LRRC37A2: variants seen among roughly 807,000 people sequenced by gnomAD.
The protein encoded by LRRC37A2 is leucine rich repeat containing 37 member A2, also known as leucine-rich repeat-containing protein 37A2.
A neutral mutation model predicts 68.8 loss-of-function variants in LRRC37A2; 9 were observed. The observed-to-expected ratio is 0.13, with a 90% CI of 0.08 to 0.23. LRRC37A2 has a LOEUF of 0.23. Among genes scored for constraint, LRRC37A2 ranks in the 10% least tolerant of loss-of-function variants. The probability of loss-of-function intolerance (pLI) is 1.00; values close to 1 mark genes in which losing one functional copy is unlikely to be tolerated. For synonymous variants in LRRC37A2, 63 were observed against 367.6 expected (o/e 0.17, Z 9.48); for missense variants, 168 against 950.4 (o/e 0.18, Z 10.82).
chr17:46,932,015 A>G, the LRRC37A2 span: 1 of 1,584,906 alleles, frequency 6.3e-7, no homozygotes, highest in Non-Finnish European at 8.7e-7. Flanking sequence ...GCCCCCTCAG[A>G]TTCTGCTGCC....
the LRRC37A2 span, among the ~76,000 whole-genome samples, chr17:46,725,430 C>T: frequency 6.6e-6 from 1 of 152,046 alleles, no homozygotes; most frequent in African/African-American, 2.4e-5. Context: ...AGGGGTTGAC[C>T]TGATTAAATA....
At chr17:46,832,376 C>T in the LRRC37A2 span, among the ~76,000 whole-genome samples, 1 of 137,556 alleles carries the variant, frequency 7.3e-6, no homozygotes, top group African/African-American at 2.8e-5. Flanking sequence ...TGATACACAA[C>T]ACAAGACACA....
At chr17:46,793,565 AC>A in the LRRC37A2 span, among the ~76,000 whole-genome samples, 1 of 151,888 alleles carries the variant, frequency 6.6e-6, no homozygotes, top group Non-Finnish European at 1.5e-5. Context: ...AGGAGAGGAG[AC>A]CCCCGACCTG....
At chr17:46,728,417 GA>G in the LRRC37A2 span, among the ~76,000 whole-genome samples, 1 of 151,716 alleles carries the variant, frequency 6.6e-6, no homozygotes, top group South Asian at 2.1e-4. Context: ...AATAATCCCA[GA>G]AAAAACATCT....
the LRRC37A2 span, among the ~76,000 whole-genome samples, chr17:46,795,033 G>A: frequency 5.3e-5 from 8 of 152,052 alleles, no homozygotes; most frequent in African/African-American, 1.9e-4. Flanking sequence ...TTACAGGTGT[G>A]AGCCACCATG....
chr17:46,750,998 T>G, the LRRC37A2 span, among the ~76,000 whole-genome samples: 1 of 152,176 alleles, frequency 6.6e-6, no homozygotes, highest in Non-Finnish European at 1.5e-5. Context: ...CTTGGTGAGC[T>G]CTATTGGAAA....
chr17:46,746,985 G>A, the LRRC37A2 span, among the ~76,000 whole-genome samples: 3 of 152,150 alleles, frequency 2.0e-5, no homozygotes, highest in African/African-American at 7.2e-5. Flanking sequence ...TGCTGGCAAC[G>A]AGGCTTTATA....
At chr17:46,784,033 T>A in the LRRC37A2 span, among the ~76,000 whole-genome samples, 1 of 152,128 alleles carries the variant, frequency 6.6e-6, no homozygotes, top group African/African-American at 2.4e-5. Context: ...CATTGCAACC[T>A]CCCAGGGCTC....
chr17:46,501,182 A>T, the LRRC37A2 span, among the ~76,000 whole-genome samples: 3 of 151,076 alleles, frequency 2.0e-5, no homozygotes, highest in African/African-American at 7.4e-5. Context: ...ATGCCCAGCT[A>T]TATTGACTTG....
At chr17:46,895,551 C>T in the LRRC37A2 span, among the ~76,000 whole-genome samples, 1 of 152,196 alleles carries the variant, frequency 6.6e-6, no homozygotes, top group African/African-American at 2.4e-5. Context: ...TCTGTCCCCG[C>T]CATTGTCACT....
the LRRC37A2 span, among the ~76,000 whole-genome samples, chr17:46,791,832 G>A: frequency 6.6e-5 from 10 of 152,222 alleles, no homozygotes; most frequent in Middle Eastern, 3.2e-3. Flanking sequence ...CTGAGGCCAG[G>A]AATTTGAGAT....
chr17:46,724,689 G>A, the LRRC37A2 span, among the ~76,000 whole-genome samples: 9 of 152,160 alleles, frequency 5.9e-5, no homozygotes, highest in African/African-American at 2.2e-4. Context: ...TTTTGTGAAA[G>A]TAGGATTATT....
the LRRC37A2 span, among the ~76,000 whole-genome samples, chr17:46,609,724 A>G: frequency 2.7e-5 from 4 of 147,568 alleles, no homozygotes; most frequent in African/African-American, 7.6e-5. Flanking sequence ...AACAATTTAG[A>G]TAAGTATAGT....
the LRRC37A2 span, among the ~76,000 whole-genome samples, chr17:46,848,932 G>GCACA: frequency 5.5e-3 from 810 of 146,284 alleles, 12 homozygotes; most frequent in African/African-American, 0.017. Context: ...GTGTGCACGT[G>GCACA]CACACACACA....
At chr17:46,724,380 T>A in the LRRC37A2 span, among the ~76,000 whole-genome samples, 1 of 152,230 alleles carries the variant, frequency 6.6e-6, no homozygotes, top group Non-Finnish European at 1.5e-5. Context: ...TTCATTATAT[T>A]TTCTCAGAGA....
chr17:46,779,103 A>ACACCCCCCCC, the LRRC37A2 span, among the ~76,000 whole-genome samples: 3 of 133,658 alleles, frequency 2.2e-5, no homozygotes, highest in Admixed American at 2.3e-4. Context: ...ACACACACAC[A>ACACCCCCCCC]CCCCAGCCCA....
chr17:46,922,961 G>A, the LRRC37A2 span: 2 of 599,788 alleles, frequency 3.3e-6, no homozygotes, highest in African/African-American at 3.7e-5. Flanking sequence ...ACACCGCCTT[G>A]CCCTTCACGT....
chr17:46,859,835 CTTTCTA>C, the LRRC37A2 span, among the ~76,000 whole-genome samples: 1 of 152,146 alleles, frequency 6.6e-6, no homozygotes, highest in Non-Finnish European at 1.5e-5. Context: ...CAGGCCATAT[CTTTCTA>C]TTTAGAGCTT....
chr17:46,841,473 C>T, the LRRC37A2 span, among the ~76,000 whole-genome samples: 1,175 of 152,282 alleles, frequency 7.7e-3, 3 homozygotes, highest in Non-Finnish European at 0.014. Context: ...GTGGAGAATC[C>T]GAAAGAAAGA....
Sources: allele counts gnomAD v4.1 joint callset (sites outside exome capture counted in the v4.1 genomes callset), GRCh38; gene constraint gnomAD v4.1.1; transcripts MANE v1.5; gene names NCBI Gene and HGNC (gene_info 2026-07-23, HGNC 2026-07-21).